Variants in DCAF8 observed in about 807,000 individuals in gnomAD.
The protein encoded by DCAF8 is DDB1 and CUL4 associated factor 8, also known as DDB1- and CUL4-associated factor 8.
Under a neutral mutation model 68.0 loss-of-function variants are expected in DCAF8, and 20 were observed. The ratio of observed to expected loss-of-function variants is 0.29; its 90% CI spans 0.21 to 0.43. DCAF8 has a LOEUF of 0.43. Ranked by LOEUF, DCAF8 falls within the 20% of genes least tolerant of loss-of-function variation. DCAF8 has a pLI of 1.00. For synonymous variants in DCAF8, 230 were observed against 276.9 expected, an observed-to-expected ratio of 0.83 and a Z score of 1.68; for missense variants, 460 against 771.0, an observed-to-expected ratio of 0.60 and a Z score of 4.78.
intron 6 of DCAF8, 73 bp from the exon 7 acceptor site, chr1:160,231,480 G>C (rs775001083): frequency 9.5e-7 from 1 of 1,056,198 alleles, no homozygotes; most frequent in African/African-American, 1.6e-5. Flanking sequence ...GGAGAGCCAA[G>C]AGAGTCACAT....
At chr1:160,252,872 G>A (rs1371964702) in intron 2 of DCAF8, among the ~76,000 whole-genome samples, 1 of 152,104 alleles carries the variant, frequency 6.6e-6, no homozygotes, top group Non-Finnish European at 1.5e-5. Flanking sequence ...CTGGCAGGTG[G>A]GATGAGAAAT....
At chr1:160,231,046 A>C (rs113069462) in intron 7 of DCAF8, among the ~76,000 whole-genome samples, 3 of 152,040 alleles carry the variant, frequency 2.0e-5, no homozygotes, top group African/African-American at 7.2e-5. Flanking sequence ...GAGCCACTAC[A>C]CCTGACCATC....
intron 2 of DCAF8, among the ~76,000 whole-genome samples, chr1:160,244,856 G>A (rs902413974): frequency 3.9e-5 from 6 of 151,992 alleles, no homozygotes; most frequent in Non-Finnish European, 5.9e-5. Context: ...TGATCCGCCC[G>A]CCTCGGCCTC....
In DCAF8 at chr1:160,218,972, G is replaced by A. The variant is rs576758060; in HGVS notation, c.1441-4C>T. 9.3e-6 allele frequency: 15 copies of A among 1,613,944 alleles called. No individual in the cohort carries two copies. Among genetic ancestry groups the A allele is most frequent in the Admixed American group, 1.7e-5 (1 of 59,982 alleles). ...GGTGGGGCTCAAGACAGTTTACCTG[G>A]TCAGGAAGAAAGGAAAACACAGACT... is the stretch of plus-strand genomic sequence containing the variant. On this transcript the variant is annotated splice_region_variant and splice_polypyrimidine_tract_variant and intron_variant, in intron 11 of 13. Transcript: ENST00000368074.
chr1:160,226,248 C>A (rs556476592), intron 7 of DCAF8, among the ~76,000 whole-genome samples: 1 of 152,204 alleles, frequency 6.6e-6, no homozygotes, highest in South Asian at 2.1e-4. Context: ...CGGGCAGAAA[C>A]CATGCTTAAT....
chr1:160,218,483 G>C, intron 12 of DCAF8, 43 bp from the exon 13 acceptor site: 3 of 1,440,342 alleles, frequency 2.1e-6, no homozygotes, highest in African/African-American at 1.4e-5. Flanking sequence ...GCAATGAAGA[G>C]GAACCCGGGA....
chr1:160,250,102 A>T (rs1175116023), intron 2 of DCAF8, among the ~76,000 whole-genome samples: 1 of 152,228 alleles, frequency 6.6e-6, no homozygotes, highest in African/African-American at 2.4e-5. Context: ...GAATTAAAAG[A>T]ATAGGCCAAC....
intron 2 of DCAF8, among the ~76,000 whole-genome samples, chr1:160,253,886 C>T (rs1656713984): frequency 6.6e-6 from 1 of 151,984 alleles, no homozygotes; most frequent in South Asian, 2.1e-4. Flanking sequence ...CAAAAAAATA[C>T]AGAGAACAGT....
intron 12 of DCAF8, 86 bp from the exon 13 acceptor site, chr1:160,218,526 A>G: frequency 9.6e-7 from 1 of 1,037,384 alleles, no homozygotes; most frequent in Non-Finnish European, 1.5e-6. Context: ...CTATCCCAAT[A>G]AAAGCTTCCC....
chr1:160,237,567 C>T (rs933882323), intron 5 of DCAF8, among the ~76,000 whole-genome samples: 2 of 152,192 alleles, frequency 1.3e-5, no homozygotes, highest in African/African-American at 4.8e-5. Flanking sequence ...CACTTTACCA[C>T]CCAGGCTGAA....
At position 160,243,282 on chromosome 1, in the gene DCAF8, G is replaced by A. The variant is rs577472628; in HGVS notation, c.49+678C>T. On this transcript the variant is annotated intron_variant, in intron 3 of 13. Coordinates refer to ENST00000368074, the MANE Select transcript of DCAF8 (RefSeq NM_015726.4). Reference sequence around the variant, plus strand: ...GCAGCACTGGTCCTGAAAAGAAGGAGGAGGGAAAGGAAGGAAGGAAGGAAA... The same window carrying A: ...GCAGCACTGGTCCTGAAAAGAAGGAAGAGGGAAAGGAAGGAAGGAAGGAAA... 3.2e-3 allele frequency among the ~76,000 whole-genome samples: 485 copies of A among 151,882 alleles called. 3 individuals carry two copies. The highest frequency in any genetic ancestry group is 0.011 in the African/African-American group (459 of 41,404).
chr1:160,239,968 C>T lies in DCAF8; in HGVS notation c.452G>A (p.Arg151His). 3 of 1,614,206 alleles carry T rather than the reference C, an allele frequency of 1.9e-6. No individual in the cohort carries two copies. Among genetic ancestry groups the T allele is most frequent in the Non-Finnish European group, 2.5e-6 (3 of 1,180,008 alleles). Reference sequence around the variant, plus strand: ...CCGAAGGGCAGGGAGGGCTTGCCAGCGAGGTCGGGGTAGAGCTGATGTTTC... The same window carrying T: ...CCGAAGGGCAGGGAGGGCTTGCCAGTGAGGTCGGGGTAGAGCTGATGTTTC... ...SSETSALPRP[R>H]WQALPALRER... The change falls in exon 4 of 14, where the codon CGC (arginine) becomes CAC (histidine). Residue 151 changes from arginine to histidine, a missense_variant. By Grantham distance (29) the Arg-to-His change is conservative. Transcript: ENST00000368074.
intron 4 of DCAF8, chr1:160,239,035 A>G (rs1655994641): frequency 2.0e-6 from 1 of 504,220 alleles, no homozygotes; most frequent in Non-Finnish European, 2.8e-6. Flanking sequence ...CTAGCAGAGG[A>G]GAAAAGGAAT....
chr1:160,246,982 C>A (rs1414845573), intron 2 of DCAF8, among the ~76,000 whole-genome samples: 3 of 152,168 alleles, frequency 2.0e-5, no homozygotes, highest in East Asian at 1.9e-4. Flanking sequence ...AATAAAAAAT[C>A]TTTTCCATTA....
At chr1:160,245,270 C>T (rs1656273483) in intron 2 of DCAF8, among the ~76,000 whole-genome samples, 1 of 152,092 alleles carries the variant, frequency 6.6e-6, no homozygotes, top group Admixed American at 6.6e-5. Context: ...TTCCAAAGAG[C>T]AAAGAATAAT....
intron 11 of DCAF8, among the ~76,000 whole-genome samples, chr1:160,221,810 T>C (rs925215412): frequency 1.5e-5 from 2 of 131,400 alleles, no homozygotes; most frequent in Non-Finnish European, 3.1e-5. Context: ...TTCCTAATTC[T>C]AGGTCTCAAA....
Position 160,219,043 on chromosome 1 carries a change from G to A in DCAF8, c.1441-75C>T, listed in dbSNP as rs957179155. ...GTTTAAAAACCACTACTCACCTTGA[G>A]CCAAATAACTGCCCTTGATCAGGGC... On this transcript the variant is annotated intron_variant, in intron 11 of 13. Transcript: ENST00000368074. The A allele has an allele frequency of 8.2e-6, 13 of 1,579,948 alleles. No homozygotes were observed. The African/African-American group carries it at 1.8e-4, about 21-fold the overall frequency.
At chr1:160,232,783 A>G (rs543263492) in intron 6 of DCAF8, among the ~76,000 whole-genome samples, 1 of 152,302 alleles carries the variant, frequency 6.6e-6, no homozygotes, top group African/African-American at 2.4e-5. Context: ...TTGCCACTGT[A>G]CTTCTGCTTA....
intron 4 of DCAF8, 159 bp downstream of exon 4, chr1:160,239,537 CT>C: frequency 6.5e-7 from 1 of 1,544,838 alleles, no homozygotes. Flanking sequence ...TGCCAAGAGT[CT>C]TTCAGTGTAT....
Sources: allele counts gnomAD v4.1 joint callset (sites outside exome capture counted in the v4.1 genomes callset), GRCh38; gene constraint gnomAD v4.1.1; transcripts MANE v1.5; gene names NCBI Gene and HGNC (gene_info 2026-07-23, HGNC 2026-07-21).